Variants in EMSY observed in about 807,000 individuals in gnomAD.
EMSY encodes the protein EMSY transcriptional repressor, BRCA2 interacting.
In EMSY, 26 loss-of-function variants were observed where a neutral mutation model predicts 134.6. The ratio of observed to expected loss-of-function variants is 0.19; its 90% confidence interval spans 0.14 to 0.27. The LOEUF (loss-of-function observed/expected upper bound fraction) is 0.27. EMSY is among the 10% of genes least tolerant of loss of function. The pLI is 1.00. For synonymous variants in EMSY, 579 were observed against 577.8 expected (o/e 1.00, Z -0.03); for missense variants, 1,305 against 1,611.4 (o/e 0.81, Z 3.26).
intron 2 of EMSY, among the ~76,000 whole-genome samples, chr11:76,447,337 G>GT (rs997332396): frequency 2.0e-5 from 3 of 152,104 alleles, no homozygotes; most frequent in African/African-American, 7.2e-5. Context: ...TTTTTTGTTT[G>GT]TTTGTTTTGT....
rs1458121957 is a variant in EMSY, at chr11:76,536,151, ATTAT to A, written c.2359+98_2359+101del. 1.3e-5 allele frequency: 10 copies of A among 775,678 alleles called. No homozygotes were observed. The Admixed American group carries it at 3.8e-4, about 29-fold the overall frequency. 48.0% of individuals were successfully genotyped at this position (775,678 alleles called of 1,614,324 possible). A position where few individuals can be genotyped will look rare whatever the true frequency, so the allele number is the denominator to read the frequency against. ...ACCACTGTTATTATTTATTATTACTATTATTTATTATTATTATTGCTATTATTTG... is the reference window on the plus strand; with the variant it reads ...ACCACTGTTATTATTTATTATTACTATTATTATTATTATTGCTATTATTTG... On this transcript the variant is annotated intron_variant, in intron 15 of 20. Transcript: ENST00000334736.
chr11:76,542,842 A>G (rs1012079788), intron 18 of EMSY, among the ~76,000 whole-genome samples: 1 of 151,352 alleles, frequency 6.6e-6, no homozygotes. Flanking sequence ...TTAACTATAC[A>G]TGGTCAATTA....
At chr11:76,482,779 G>T (rs540326497) in intron 8 of EMSY, among the ~76,000 whole-genome samples, 1 of 152,318 alleles carries the variant, frequency 6.6e-6, no homozygotes, top group African/African-American at 2.4e-5. Flanking sequence ...CGTTTGATTG[G>T]TTTACCTGAA....
exon 16 of EMSY, chr11:76,537,910 T>C: frequency 6.2e-7 from 1 of 1,613,848 alleles, no homozygotes; most frequent in South Asian, 1.1e-5. Flanking sequence ...CATCAATTGC[T>C]GTGGTAGAGT....
intron 2 of EMSY, among the ~76,000 whole-genome samples, chr11:76,450,489 C>CTT (rs764412635): frequency 9.1e-5 from 13 of 142,608 alleles, no homozygotes; most frequent in Non-Finnish European, 1.7e-4. Context: ...ACAGACATTC[C>CTT]TTTTTTTTTT....
At chr11:76,534,331 T>A (rs551178221) in intron 14 of EMSY, among the ~76,000 whole-genome samples, 1 of 152,308 alleles carries the variant, frequency 6.6e-6, no homozygotes, top group African/African-American at 2.4e-5. Context: ...CATATCTACT[T>A]AAAATGAATA....
chr11:76,493,590 C>T (rs183437462), intron 8 of EMSY, among the ~76,000 whole-genome samples: 57 of 152,284 alleles, frequency 3.7e-4, no homozygotes, highest in African/African-American at 1.3e-3. Context: ...CACAGCCAGA[C>T]TCCAACAGAC....
intron 7 of EMSY, among the ~76,000 whole-genome samples, chr11:76,471,799 A>G (rs998361276): frequency 2.0e-5 from 3 of 152,148 alleles, no homozygotes; most frequent in Non-Finnish European, 4.4e-5. Context: ...GTTGTCTACT[A>G]CTACTTTGTA....
At chr11:76,460,372 ATAT>A (rs1330541658) in intron 6 of EMSY, 2 of 279,172 alleles carry the variant, frequency 7.2e-6, no homozygotes, top group Admixed American at 4.7e-5. Context: ...TGAAATAGAA[ATAT>A]TGTGAATAGA....
At chr11:76,477,188 G>T (rs1269337708) in intron 8 of EMSY, among the ~76,000 whole-genome samples, 1 of 150,952 alleles carries the variant, frequency 6.6e-6, no homozygotes, top group Non-Finnish European at 1.5e-5. Flanking sequence ...GTATTCTAAG[G>T]ATATACAATC....
At chr11:76,479,478 A>G (rs1460102398) in intron 8 of EMSY, among the ~76,000 whole-genome samples, 1 of 152,230 alleles carries the variant, frequency 6.6e-6, no homozygotes, top group Non-Finnish European at 1.5e-5. Flanking sequence ...GGTTCCCCGC[A>G]ATGCCCCACA....
chr11:76,459,738 G>GA (rs1948030308), intron 5 of EMSY, 195 bp from the exon 7 acceptor site: 1 of 530,706 alleles, frequency 1.9e-6, no homozygotes, highest in Admixed American at 3.2e-5. Flanking sequence ...AAATACTTGG[G>GA]AAAAATCTAT....
chr11:76,546,250 G>A (rs763476543), exon 20 of EMSY: 3 of 1,613,842 alleles, frequency 1.9e-6, no homozygotes, highest in Admixed American at 3.3e-5. Context: ...TATTCAGAAT[G>A]TAGGCCAAAA....
intron 9 of EMSY, among the ~76,000 whole-genome samples, chr11:76,503,248 C>G (rs1487946419): frequency 7.4e-6 from 1 of 135,242 alleles, no homozygotes; most frequent in African/African-American, 2.8e-5. Context: ...TTGCAGTGAG[C>G]TGAGATTGCA....
intron 8 of EMSY, among the ~76,000 whole-genome samples, chr11:76,482,250 C>T (rs1218757724): frequency 6.6e-6 from 1 of 152,148 alleles, no homozygotes; most frequent in Non-Finnish European, 1.5e-5. Context: ...TAAAAGTCAC[C>T]AACATCAAAG....
At chr11:76,464,159 G>A in intron 7 of EMSY, 79 bp downstream of exon 8, 1 of 1,523,236 alleles carries the variant, frequency 6.6e-7, no homozygotes, top group Non-Finnish European at 9.0e-7. Context: ...CATGCACTGA[G>A]TGCTTACTAT....
At chr11:76,533,156 A>G (rs1220727583) in intron 14 of EMSY, among the ~76,000 whole-genome samples, 2 of 152,148 alleles carry the variant, frequency 1.3e-5, no homozygotes, top group East Asian at 3.8e-4. Flanking sequence ...GGATATAGAT[A>G]TCTTAGGTTT....
At chr11:76,485,952 G>A (rs969052765) in intron 8 of EMSY, among the ~76,000 whole-genome samples, 1 of 152,168 alleles carries the variant, frequency 6.6e-6, no homozygotes, top group African/African-American at 2.4e-5. Flanking sequence ...ACATGCACAT[G>A]TATGTTTATT....
chr11:76,488,106 C>T (rs960520344), intron 8 of EMSY, among the ~76,000 whole-genome samples: 110 of 152,324 alleles, frequency 7.2e-4, no homozygotes, highest in Middle Eastern at 3.4e-3. Flanking sequence ...TTCTTCCAAA[C>T]ATGGATTAAT....
Sources: gnomAD v4.1 joint callset for allele counts (sites outside exome capture counted in the v4.1 genomes callset) on GRCh38, gnomAD v4.1.1 for gene constraint, MANE v1.5 for transcripts, NCBI Gene and HGNC (gene_info 2026-07-23, HGNC 2026-07-21) for gene names.